Variants in TMEM232 observed in about 807,000 individuals in gnomAD.
TMEM232 encodes the protein transmembrane protein 232.
TMEM232 carries 80 observed loss-of-function variants against 78.8 expected under a neutral mutation model. The observed-to-expected ratio is 1.01, with a 90% CI of 0.85 to 1.22. The LOEUF (loss-of-function observed/expected upper bound fraction) is 1.22, where lower values mean the gene tolerates loss of function less well. Ranked by LOEUF, TMEM232 falls within the 50% of genes most tolerant of loss-of-function variation. The pLI, the probability that TMEM232 is intolerant of heterozygous loss-of-function variation, is 0.00. For missense variants in TMEM232, 881 were observed against 742.2 expected (o/e 1.19, Z -2.17); for synonymous variants, 297 against 254.3 (o/e 1.17, Z -1.60).
chr5:110,468,147 G>C (rs951832441), intron 12 of TMEM232, among the ~76,000 whole-genome samples: 2 of 151,732 alleles, frequency 1.3e-5, no homozygotes, highest in African/African-American at 4.8e-5. Flanking sequence ...ATAAAAAAAA[G>C]ATATATTACA....
At chr5:110,549,803 AAAG>A (rs1774241075) in intron 11 of TMEM232, among the ~76,000 whole-genome samples, 1 of 152,124 alleles carries the variant, frequency 6.6e-6, no homozygotes, top group African/African-American at 2.4e-5. Flanking sequence ...TAATTCCTAG[AAAG>A]AAAACATACC....
intron 1 of TMEM232, among the ~76,000 whole-genome samples, chr5:110,688,226 G>C (rs924753014): frequency 6.6e-6 from 1 of 152,074 alleles, no homozygotes; most frequent in Non-Finnish European, 1.5e-5. Flanking sequence ...TAACCATATA[G>C]ATACATAGAG....
At chr5:110,695,823 C>T (rs977340185) in intron 1 of TMEM232, among the ~76,000 whole-genome samples, 2 of 151,838 alleles carry the variant, frequency 1.3e-5, no homozygotes, top group African/African-American at 2.4e-5. Context: ...GCTTACCAAC[C>T]AAAAAAAGTC....
chr5:110,716,972 T>A (rs1797075969), intron 1 of TMEM232, among the ~76,000 whole-genome samples: 1 of 152,146 alleles, frequency 6.6e-6, no homozygotes, highest in African/African-American at 2.4e-5. Context: ...TACAGCAATT[T>A]GTCTATCCAT....
chr5:110,575,415 G>A (rs1777463468), intron 10 of TMEM232, among the ~76,000 whole-genome samples: 1 of 152,000 alleles, frequency 6.6e-6, no homozygotes, highest in South Asian at 2.1e-4. Context: ...CCAAAAGGTA[G>A]ATGAATAATG....
intron 11 of TMEM232, among the ~76,000 whole-genome samples, chr5:110,541,627 A>G (rs1721070069): frequency 6.6e-6 from 1 of 152,176 alleles, no homozygotes; most frequent in Admixed American, 6.5e-5. Flanking sequence ...AGAAAGGACT[A>G]TCCAAACTCT....
At chr5:110,726,999 T>C (rs1186903427), upstream of TMEM232, among the ~76,000 whole-genome samples, 1 of 152,138 alleles carries the variant, frequency 6.6e-6, no homozygotes, top group African/African-American at 2.4e-5. Flanking sequence ...ATACCAAAAG[T>C]AGCTATGTCT....
At chr5:110,523,000 T>C (rs372994256) in intron 12 of TMEM232, among the ~76,000 whole-genome samples, 1 of 152,310 alleles carries the variant, frequency 6.6e-6, no homozygotes, top group East Asian at 1.9e-4. Flanking sequence ...TGTTCAGATG[T>C]TTAGTAGGAT....
chr5:110,463,312 A>ATATC (rs1257935826), intron 12 of TMEM232, among the ~76,000 whole-genome samples: 1 of 152,182 alleles, frequency 6.6e-6, no homozygotes, highest in African/African-American at 2.4e-5. Flanking sequence ...TAACAACTAA[A>ATATC]TATCTTCAAA....
intron 10 of TMEM232, among the ~76,000 whole-genome samples, chr5:110,575,434 G>C (rs1014906629): frequency 1.3e-5 from 2 of 151,992 alleles, no homozygotes; most frequent in Admixed American, 6.6e-5. Context: ...TGAAGACACT[G>C]AGTAGAATTT....
At chr5:110,584,470 T>C (rs922395479) in intron 10 of TMEM232, among the ~76,000 whole-genome samples, 3 of 152,180 alleles carry the variant, frequency 2.0e-5, no homozygotes, top group East Asian at 1.9e-4. Flanking sequence ...AGGCAAAGAA[T>C]AGAATGGCAG....
chr5:110,642,858 T>C (rs529738201), intron 2 of TMEM232, among the ~76,000 whole-genome samples: 12 of 152,260 alleles, frequency 7.9e-5, no homozygotes, highest in African/African-American at 2.9e-4. Flanking sequence ...AGTAGCCATA[T>C]TAACTACATG....
intron 2 of TMEM232, chr5:110,666,998 T>C (rs1029622628): frequency 5.6e-6 from 2 of 355,684 alleles, no homozygotes; most frequent in South Asian, 4.8e-5. Context: ...TGCATTATTA[T>C]GACAAATTAA....
intron 4 of TMEM232, 113 bp from the exon 5 acceptor site, chr5:110,638,468 A>G (rs1189925312): frequency 3.8e-6 from 4 of 1,040,870 alleles, no homozygotes; most frequent in Non-Finnish European, 5.5e-6. Context: ...TTGCAGTTTT[A>G]AAATATATTT....
intron 12 of TMEM232, among the ~76,000 whole-genome samples, chr5:110,523,503 G>T (rs1326868668): frequency 6.6e-6 from 1 of 151,604 alleles, no homozygotes; most frequent in Non-Finnish European, 1.5e-5. Flanking sequence ...CTTTTTTAAT[G>T]CATTTAACAA....
intron 1 of TMEM232, among the ~76,000 whole-genome samples, chr5:110,677,334 C>T (rs1193233549): frequency 2.0e-5 from 3 of 151,012 alleles, no homozygotes; most frequent in Non-Finnish European, 4.4e-5. Context: ...TTTTTTCCAT[C>T]TGCTATCTTA....
chr5:110,664,579 A>T (rs895744664), intron 2 of TMEM232, among the ~76,000 whole-genome samples: 1 of 152,214 alleles, frequency 6.6e-6, no homozygotes, highest in Non-Finnish European at 1.5e-5. Flanking sequence ...GTCACAGGCT[A>T]CTGAGGCTTC....
intron 5 of TMEM232, among the ~76,000 whole-genome samples, chr5:110,634,445 G>C (rs147503137): frequency 6.6e-6 from 1 of 151,834 alleles, no homozygotes; most frequent in Non-Finnish European, 1.5e-5. Context: ...TCATATGCTA[G>C]GCAAAAAATA....
At chr5:110,688,009 G>A (rs1793638868) in intron 1 of TMEM232, among the ~76,000 whole-genome samples, 1 of 152,020 alleles carries the variant, frequency 6.6e-6, no homozygotes, top group Non-Finnish European at 1.5e-5. Context: ...GGATATCATT[G>A]ATGTCTCTTA....
Sources: gnomAD v4.1 joint callset for allele counts (sites outside exome capture counted in the v4.1 genomes callset) on GRCh38, gnomAD v4.1.1 for gene constraint, MANE v1.5 for transcripts, NCBI Gene and HGNC (gene_info 2026-07-23, HGNC 2026-07-21) for gene names.